The following CFAP44 variants were observed in gnomAD, a reference collection of about 807,000 sequenced individuals.
CFAP44 encodes cilia and flagella associated protein 44.
A neutral mutation model predicts 216.2 loss-of-function variants in CFAP44; 134 were observed. The observed-to-expected ratio is 0.62, with a 90% CI of 0.54 to 0.72. CFAP44 has a LOEUF of 0.72. CFAP44 is among the 30% of genes least tolerant of loss of function. The probability of loss-of-function intolerance (pLI) is 0.00; values close to 1 mark genes in which losing one functional copy is unlikely to be tolerated. For missense variants in CFAP44, 2,035 were observed against 2,182.1 expected, an observed-to-expected ratio of 0.93 and a Z score of 1.34; for synonymous variants, 700 against 727.6, an observed-to-expected ratio of 0.96 and a Z score of 0.61.
At chr3:113,381,769 C>T (rs1349331508) in intron 15 of CFAP44, among the ~76,000 whole-genome samples, 1 of 152,116 alleles carries the variant, frequency 6.6e-6, no homozygotes, top group Non-Finnish European at 1.5e-5. Context: ...TGTGTACCTA[C>T]TATGTACTCA....
intron 22 of CFAP44, among the ~76,000 whole-genome samples, chr3:113,352,141 T>C (rs1291922923): frequency 6.6e-6 from 1 of 152,110 alleles, no homozygotes; most frequent in African/African-American, 2.4e-5. Context: ...AGCTAGAGGA[T>C]TGTAAATGCA....
intron 8 of CFAP44, among the ~76,000 whole-genome samples, chr3:113,404,436 C>A (rs1394219500): frequency 6.6e-6 from 1 of 152,130 alleles, no homozygotes; most frequent in African/African-American, 2.4e-5. Flanking sequence ...ATAATAGTAT[C>A]CAATTTCAAA....
chr3:113,368,458 T>C (rs917027014), intron 18 of CFAP44, among the ~76,000 whole-genome samples: 1 of 152,144 alleles, frequency 6.6e-6, no homozygotes, highest in African/African-American at 2.4e-5. Context: ...AGAAAAGAAT[T>C]TTCAACACAG....
rs866096259 is a variant in CFAP44, at chr3:113,400,632, C to A, written c.1387G>T (p.Glu463Ter). Residue 463 changes from glutamate to a stop codon, truncating the protein, a stop_gained, in exon 12 of 35, where the codon GAA becomes TAA. Transcript: ENST00000393845. LOFTEE classifies it high-confidence loss of function. ...CCAGAATGGAAGGAGAAGAGGCATTCTGGGTCCTGGGTCTGAGAATAGATA... is the reference window on the plus strand; with the variant it reads ...CCAGAATGGAAGGAGAAGAGGCATTATGGGTCCTGGGTCTGAGAATAGATA... ...LSFSNITQDP[E>*]CLFSFHSGAI... The A allele has an allele frequency of 3.1e-6, 5 of 1,609,738 alleles. No individual in the cohort carries two copies. In the Middle Eastern group the frequency reaches 5.0e-4, roughly 160 times the overall value.
At chr3:113,327,877 AC>A (rs1363085656) in intron 26 of CFAP44, 58 bp from the exon 27 acceptor site, 25 of 1,456,644 alleles carry the variant, frequency 1.7e-5, no homozygotes, top group Non-Finnish European at 5.5e-6. Flanking sequence ...GCATTTTTAA[AC>A]TATCTAACAG....
chr3:113,415,604 C>T (rs185217845), intron 6 of CFAP44, among the ~76,000 whole-genome samples: 13 of 152,210 alleles, frequency 8.5e-5, no homozygotes, highest in African/African-American at 2.9e-4. Context: ...TGATTTCTGC[C>T]TTAATTTCAT....
intron 1 of CFAP44, among the ~76,000 whole-genome samples, chr3:113,440,430 AAGC>A (rs1214384709): frequency 6.6e-6 from 1 of 152,188 alleles, no homozygotes; most frequent in African/African-American, 2.4e-5. Flanking sequence ...ACAGATGAGA[AAGC>A]AGCGTATTTA....
chr3:113,322,411 T>C (rs1213428405), intron 28 of CFAP44, among the ~76,000 whole-genome samples: 1 of 152,082 alleles, frequency 6.6e-6, no homozygotes, highest in Non-Finnish European at 1.5e-5. Flanking sequence ...AATAACTCTA[T>C]TAAACAATGG....
At position 113,366,406 on chromosome 3, in the gene CFAP44, G is replaced by T; in HGVS notation, c.2445-97C>A. On this transcript the variant is annotated intron_variant, in intron 18 of 34. Transcript: ENST00000393845. ...AAGTGGCTAAATTAATAACAAAGTT[G>T]TTATGGACTGAATTGTACACCCCTA... is the stretch of plus-strand genomic sequence containing the variant. 4 of 1,417,930 alleles carry T rather than the reference G, an allele frequency of 2.8e-6. No homozygotes were observed. The South Asian group carries it at 5.6e-5, about 20-fold the overall frequency. 87.8% of individuals were successfully genotyped at this position (1,417,930 alleles called of 1,614,324 possible).
intron 32 of CFAP44, among the ~76,000 whole-genome samples, chr3:113,302,503 C>T (rs1178106407): frequency 2.1e-5 from 3 of 145,588 alleles, no homozygotes; most frequent in South Asian, 4.3e-4. Flanking sequence ...CTGTGGCTCT[C>T]GCCTGTAATC....
rs911492604 is a variant in CFAP44, at chr3:113,308,112, T to A, written c.4627+46A>T. ...AAAAGGGTCTTCCCAGTATTGCCAA[T>A]CAATATTCACACTTCACAGAGAACA... On this transcript the variant is annotated intron_variant, in intron 29 of 34. Coordinates refer to ENST00000393845, the MANE Select transcript of CFAP44 (RefSeq NM_001164496.2). 4 of 1,427,676 alleles carry A rather than the reference T, an allele frequency of 2.8e-6. No homozygotes were observed. The African/African-American group carries it at 4.3e-5, about 15-fold the overall frequency. 88.4% of individuals were successfully genotyped at this position (1,427,676 alleles called of 1,614,324 possible).
At chr3:113,317,312 CAT>C (rs1950097731) in intron 28 of CFAP44, among the ~76,000 whole-genome samples, 2 of 152,194 alleles carry the variant, frequency 1.3e-5, no homozygotes, top group Admixed American at 6.5e-5. Context: ...AGAGAGCGGC[CAT>C]AGACACTCAT....
intron 4 of CFAP44, among the ~76,000 whole-genome samples, chr3:113,422,974 C>T (rs1024910320): frequency 6.6e-6 from 1 of 152,142 alleles, no homozygotes; most frequent in African/African-American, 2.4e-5. Context: ...TTACTGAGGG[C>T]AAAGACTGCT....
chr3:113,320,545 T>TAA (rs1373072509), intron 28 of CFAP44, among the ~76,000 whole-genome samples: 1 of 142,938 alleles, frequency 7.0e-6, no homozygotes, highest in East Asian at 2.0e-4. Context: ...TGTATATATA[T>TAA]AATGAAGTTA....
chr3:113,412,995 G>A (rs1450862820), intron 6 of CFAP44, among the ~76,000 whole-genome samples: 10 of 152,148 alleles, frequency 6.6e-5, no homozygotes, highest in African/African-American at 2.4e-4. Flanking sequence ...CACCAAAAGT[G>A]TAAAAGCATT....
chr3:113,379,406 T>A lies in CFAP44; in HGVS notation c.2198A>T (p.Glu733Val). The A allele has an allele frequency of 6.2e-7, 1 of 1,612,280 alleles. No individual in the cohort carries two copies. The highest frequency in any genetic ancestry group is 8.5e-7 in the Non-Finnish European group (1 of 1,178,742). Residue 733 changes from glutamate (E) to valine (V), a missense_variant, in exon 17 of 35, where the codon GAG becomes GTG. By Grantham distance (121) the Glu-to-Val change is moderately radical (BLOSUM62 -2). This residue lies in a region of CFAP44 where 1,883 missense variants were observed against 2,023.7 expected (regional missense o/e 0.93). Coordinates refer to ENST00000393845, the MANE Select transcript of CFAP44 (RefSeq NM_001164496.2). ...TTCAGGTAATGGCTCTTCTTCCTCC[T>A]CCTCCTCCTCTTTCTCCTCTTCCTC... is the stretch of plus-strand genomic sequence containing the variant. Reference protein sequence around the residue: ...QEEEEEKEEEEEEEEPLPEIF... With the variant: ...QEEEEEKEEEVEEEEPLPEIF...
chr3:113,325,322 TA>T (rs1950179942), intron 28 of CFAP44, among the ~76,000 whole-genome samples: 1 of 149,968 alleles, frequency 6.7e-6, no homozygotes, highest in African/African-American at 2.5e-5. Flanking sequence ...AAAAAATCAC[TA>T]AAAAAGGAAA....
At chr3:113,360,560 T>C (rs1357553816) in intron 21 of CFAP44, 3 of 200,594 alleles carry the variant, frequency 1.5e-5, no homozygotes, top group Non-Finnish European at 3.4e-5. Context: ...TCCAGATTCT[T>C]ACTCTGTATG....
In CFAP44 at chr3:113,358,853, A is replaced by G. The variant is rs1344336339; in HGVS notation, c.2957T>C (p.Ile986Thr). 3.9e-6 allele frequency: 6 copies of G among 1,536,452 alleles called. No individual in the cohort carries two copies. In the East Asian group the frequency reaches 1.2e-4, roughly 31 times the overall value. Residue 986 changes from isoleucine (I) to threonine (T), a missense_variant, in exon 22 of 35, where the codon ATC becomes ACC. Ile to Thr is a moderately conservative substitution (Grantham distance 89). Transcript: ENST00000393845. The part of the protein sequence containing the change: ...KRTDFDVDSQ[I>T]RAEMHRKTAF... Reference sequence around the variant, plus strand: ...TGTTTTTCTGTGCATCTCAGCACGGATTTGGGAATCTACATCAAAATCCTG... The same window carrying G: ...TGTTTTTCTGTGCATCTCAGCACGGGTTTGGGAATCTACATCAAAATCCTG...
Sources: gnomAD v4.1 joint callset for allele counts (sites outside exome capture counted in the v4.1 genomes callset) on GRCh38, gnomAD v4.1.1 for gene constraint, gnomAD v4.1.1 regional missense constraint, MANE v1.5 for transcripts, NCBI Gene and HGNC (gene_info 2026-07-23, HGNC 2026-07-21) for gene names.